Variants in NBEA observed in about 807,000 individuals in gnomAD.
NBEA encodes neurobeachin, also known as lysosomal-trafficking regulator 2.
A neutral mutation model predicts 343.4 loss-of-function variants in NBEA; 44 were observed. That is an observed-to-expected ratio of 0.13 (90% CI 0.10 to 0.16). NBEA has a LOEUF of 0.16. NBEA is among the 10% of genes least tolerant of loss of function. The pLI, the probability that NBEA is intolerant of heterozygous loss-of-function variation, is 1.00. For missense variants in NBEA, 2,555 were observed against 3,631.3 expected, an observed-to-expected ratio of 0.70 and a Z score of 7.62; for synonymous variants, 1,175 against 1,238.7, an observed-to-expected ratio of 0.95 and a Z score of 1.08.
intron 1 of NBEA, among the ~76,000 whole-genome samples, chr13:35,015,544 A>G (rs1593470042): frequency 6.6e-6 from 1 of 152,130 alleles, no homozygotes; most frequent in East Asian, 1.9e-4. Context: ...TTTTATGTGG[A>G]CTAAAGCATT....
At chr13:35,660,329 TATAC>T (rs749199847) in intron 55 of NBEA, among the ~76,000 whole-genome samples, 18 of 152,188 alleles carry the variant, frequency 1.2e-4, no homozygotes, top group Non-Finnish European at 1.9e-4. Flanking sequence ...GAGAGTTTGA[TATAC>T]ATACATACAA....
chr13:35,214,687 A>G (rs1006147733), intron 33 of NBEA, among the ~76,000 whole-genome samples: 3 of 151,746 alleles, frequency 2.0e-5, no homozygotes, highest in Non-Finnish European at 4.4e-5. Flanking sequence ...AAAAGTTTCT[A>G]ATTTGACAGA....
chr13:34,954,067 A>G (rs1295815712), intron 1 of NBEA, among the ~76,000 whole-genome samples: 3 of 152,188 alleles, frequency 2.0e-5, no homozygotes, highest in Non-Finnish European at 2.9e-5. Flanking sequence ...CCTGGTGCCA[A>G]AAAGGTTGGG....
At chr13:35,162,884 C>G (rs1057358819) in intron 23 of NBEA, among the ~76,000 whole-genome samples, 2 of 152,046 alleles carry the variant, frequency 1.3e-5, no homozygotes, top group Non-Finnish European at 2.9e-5. Flanking sequence ...TCAATAAAGT[C>G]TGCCATAGAA....
At chr13:35,210,049 T>G (rs2073663280) in intron 32 of NBEA, among the ~76,000 whole-genome samples, 1 of 152,058 alleles carries the variant, frequency 6.6e-6, no homozygotes, top group Non-Finnish European at 1.5e-5. Flanking sequence ...ACGTTAAAAG[T>G]GTAAAGGTTT....
chr13:35,340,545 T>G (rs2039530681), intron 36 of NBEA, among the ~76,000 whole-genome samples: 1 of 152,090 alleles, frequency 6.6e-6, no homozygotes, highest in South Asian at 2.1e-4. Context: ...TAATGGATAT[T>G]AGTGATAGTA....
At chr13:35,373,958 T>C (rs1163015568) in intron 38 of NBEA, among the ~76,000 whole-genome samples, 1 of 152,064 alleles carries the variant, frequency 6.6e-6, no homozygotes, top group African/African-American at 2.4e-5. Flanking sequence ...TAACTCTACT[T>C]GAATATCTTA....
chr13:35,154,166 C>CT (rs2068990686), intron 18 of NBEA, among the ~76,000 whole-genome samples: 1 of 151,986 alleles, frequency 6.6e-6, no homozygotes, highest in Non-Finnish European at 1.5e-5. Context: ...AGGTCAATAT[C>CT]TTTTTTATGA....
At chr13:35,640,451 C>T (rs2083893019) in intron 49 of NBEA, among the ~76,000 whole-genome samples, 1 of 152,210 alleles carries the variant, frequency 6.6e-6, no homozygotes, top group Admixed American at 6.5e-5. Context: ...ACTTATTTGC[C>T]TTCCAACTGG....
intron 10 of NBEA, among the ~76,000 whole-genome samples, chr13:35,096,855 A>G (rs1380601553): frequency 1.3e-5 from 2 of 151,862 alleles, no homozygotes; most frequent in Non-Finnish European, 2.9e-5. Flanking sequence ...TTACAGAAAC[A>G]TTTTTTTAAA....
At chr13:35,484,764 A>G (rs956671278) in intron 41 of NBEA, among the ~76,000 whole-genome samples, 1 of 152,060 alleles carries the variant, frequency 6.6e-6, no homozygotes, top group African/African-American at 2.4e-5. Context: ...GACTGCATGT[A>G]TTTGCATAGA....
Position 34,959,820 on chromosome 13 carries a change from A to G in NBEA, c.294+16706A>G, listed in dbSNP as rs76632205. Among the ~76,000 whole-genome samples the G allele has an allele frequency of 4.2e-4, 64 of 152,264 alleles. No homozygotes were observed. The East Asian group carries it at 0.012, about 28-fold the overall frequency. ...ATATCATAATGTCATAGCACAATGC[A>G]TCATTCACTGTGGTGATGGTGGTGT... On this transcript the variant is annotated intron_variant, in intron 1 of 58. Transcript: ENST00000379939.
chr13:35,091,335 G>A (rs1306904087), intron 10 of NBEA, among the ~76,000 whole-genome samples: 2 of 151,956 alleles, frequency 1.3e-5, no homozygotes, highest in Non-Finnish European at 2.9e-5. Flanking sequence ...AAATATCAGG[G>A]ATGTCATGGA....
At chr13:34,996,128 G>T (rs1282644305) in intron 1 of NBEA, among the ~76,000 whole-genome samples, 1 of 152,090 alleles carries the variant, frequency 6.6e-6, no homozygotes, top group African/African-American at 2.4e-5. Flanking sequence ...TAGTAGATTT[G>T]CTATATAATA....
At chr13:34,967,939 C>G (rs1485560593) in intron 1 of NBEA, among the ~76,000 whole-genome samples, 2 of 152,104 alleles carry the variant, frequency 1.3e-5, no homozygotes, top group Non-Finnish European at 2.9e-5. Flanking sequence ...GCCAGTCCCA[C>G]AAGACTGCTT....
At chr13:35,628,016 A>T (rs1302047063) in intron 48 of NBEA, 65 bp from the exon 49 acceptor site, 1 of 1,246,140 alleles carries the variant, frequency 8.0e-7, no homozygotes, top group Non-Finnish European at 1.1e-6. Context: ...GTAAAAAAAA[A>T]ATAAAAGGAT....
At chr13:35,484,266 G>GTATATA (rs1555279207) in intron 41 of NBEA, among the ~76,000 whole-genome samples, 2 of 135,832 alleles carry the variant, frequency 1.5e-5, no homozygotes, top group Admixed American at 7.8e-5. Context: ...GTGTGTGTGT[G>GTATATA]TGTGTGTGTA....
chr13:34,993,811 A>G (rs2060843514), intron 1 of NBEA, among the ~76,000 whole-genome samples: 1 of 152,190 alleles, frequency 6.6e-6, no homozygotes, highest in African/African-American at 2.4e-5. Flanking sequence ...TCTACCCTGT[A>G]CATTTTTTTC....
At chr13:35,651,920 A>G (rs1279632145) in intron 53 of NBEA, 44 bp downstream of exon 53, 5 of 995,042 alleles carry the variant, frequency 5.0e-6, no homozygotes, top group Non-Finnish European at 7.7e-6. Flanking sequence ...TACTATCCAT[A>G]TATTCATATA....
Sources: allele counts gnomAD v4.1 joint callset (sites outside exome capture counted in the v4.1 genomes callset), GRCh38; gene constraint gnomAD v4.1.1; transcripts MANE v1.5; gene names NCBI Gene and HGNC (gene_info 2026-07-23, HGNC 2026-07-21).